Variants in SV2C observed in about 807,000 individuals in gnomAD.
SV2C encodes solute carrier family 22 member B3.
In SV2C, 49 loss-of-function variants were observed where a neutral mutation model predicts 79.7. That is an observed-to-expected ratio of 0.61 (90% CI 0.49 to 0.78). The LOEUF (loss-of-function observed/expected upper bound fraction) is 0.78. Among genes scored for constraint, SV2C ranks in the 30% least tolerant of loss-of-function variants. The pLI, the probability that SV2C is intolerant of heterozygous loss-of-function variation, is 0.00. For synonymous variants in SV2C, 334 were observed against 333.2 expected (o/e 1.00, Z -0.03); for missense variants, 833 against 912.9 (o/e 0.91, Z 1.13).
At chr5:76,170,787 G>T (rs957456697) in intron 2 of SV2C, 3 of 227,740 alleles carry the variant, frequency 1.3e-5, no homozygotes, top group Non-Finnish European at 2.5e-5. Context: ...GCTCGAAGGC[G>T]CCGCGGGCTG....
chr5:75,980,971 C>A, the SV2C span, among the ~76,000 whole-genome samples: 3 of 152,178 alleles, frequency 2.0e-5, no homozygotes, highest in Non-Finnish European at 4.4e-5. Flanking sequence ...GCCCCATACT[C>A]TCAGCCCAAA....
chr5:76,296,352 G>T (rs1349070415), intron 9 of SV2C, among the ~76,000 whole-genome samples: 1 of 150,498 alleles, frequency 6.6e-6, no homozygotes, highest in Admixed American at 6.6e-5. Flanking sequence ...CTGAGAAACA[G>T]AGCCACTTTT....
the SV2C span, among the ~76,000 whole-genome samples, chr5:75,961,895 G>C: frequency 5.3e-5 from 8 of 151,966 alleles, no homozygotes; most frequent in Non-Finnish European, 1.2e-4. Flanking sequence ...TGTAAGAAAG[G>C]GACACTCAGC....
chr5:76,258,189 G>A (rs773704704), intron 4 of SV2C, among the ~76,000 whole-genome samples: 4 of 151,628 alleles, frequency 2.6e-5, no homozygotes, highest in Non-Finnish European at 5.9e-5. Flanking sequence ...GTACTCTTTC[G>A]ACCACAAAGG....
At position 76,300,873 on chromosome 5, in the gene SV2C, T is replaced by G; in HGVS notation, c.1781T>G (p.Leu594Trp). ...FVNFLGTLAV[L>W]PGNIVSALLM... The stretch of plus-strand genomic sequence containing the variant: ...AACTTTCTGGGGACATTGGCAGTAT[T>G]GCCAGGGAACATTGTGTCTGCTCTG... The change falls in exon 11 of 13, where the codon TTG (leucine) becomes TGG (tryptophan). Residue 594 changes from leucine to tryptophan, a missense_variant. Leu to Trp is a moderately conservative substitution (Grantham distance 61). Coordinates refer to ENST00000502798, the MANE Select transcript of SV2C (RefSeq NM_014979.4). 6.2e-7 allele frequency: 1 copy of G among 1,614,200 alleles called. No individual in the cohort carries two copies. The highest frequency in any genetic ancestry group is 8.5e-7 in the Non-Finnish European group (1 of 1,180,008).
At chr5:76,029,174 T>A in the SV2C span, among the ~76,000 whole-genome samples, 1 of 152,236 alleles carries the variant, frequency 6.6e-6, no homozygotes, top group African/African-American at 2.4e-5. Context: ...ACATTGTAGA[T>A]TGACTAAATA....
chr5:75,971,741 C>T, the SV2C span, among the ~76,000 whole-genome samples: 1 of 152,086 alleles, frequency 6.6e-6, no homozygotes, highest in Admixed American at 6.6e-5. Flanking sequence ...GTGAAAATGG[C>T]CATACTGCCC....
At chr5:75,897,878 T>G in the SV2C span, among the ~76,000 whole-genome samples, 1,864 of 151,406 alleles carry the variant, frequency 0.012, 44 homozygotes, top group African/African-American at 0.043. Flanking sequence ...TTGTCTGTTA[T>G]TGGTGTATAA....
the SV2C span, among the ~76,000 whole-genome samples, chr5:75,857,492 T>G: frequency 0.02 from 3,082 of 152,320 alleles, 89 homozygotes; most frequent in African/African-American, 0.067. Context: ...GCAATTACCA[T>G]GTTGTTTTGG....
At chr5:75,891,578 C>A in the SV2C span, among the ~76,000 whole-genome samples, 104 of 152,170 alleles carry the variant, frequency 6.8e-4, 2 homozygotes, top group East Asian at 0.016. Flanking sequence ...CAATAACATA[C>A]TTTTGATCTC....
chr5:76,265,843 C>T (rs1464635198), intron 4 of SV2C, among the ~76,000 whole-genome samples: 1 of 152,134 alleles, frequency 6.6e-6, no homozygotes, highest in African/African-American at 2.4e-5. Context: ...ACAGTGTACC[C>T]CAGTTGGAAA....
chr5:76,206,413 G>A (rs988844310), intron 3 of SV2C, among the ~76,000 whole-genome samples: 1 of 152,312 alleles, frequency 6.6e-6, no homozygotes. Context: ...GGACCGTCAG[G>A]TCATTTGGTC....
chr5:76,040,922 C>A, the SV2C span, among the ~76,000 whole-genome samples: 2 of 152,132 alleles, frequency 1.3e-5, no homozygotes, highest in Non-Finnish European at 2.9e-5. Context: ...CATAGCCTAC[C>A]AAAACAGGCA....
At chr5:76,036,036 A>C in the SV2C span, among the ~76,000 whole-genome samples, 1 of 151,922 alleles carries the variant, frequency 6.6e-6, no homozygotes. Flanking sequence ...GTTGGTTTAA[A>C]GTCTGTTTTA....
intron 12 of SV2C, among the ~76,000 whole-genome samples, chr5:76,344,877 G>T (rs985525790): frequency 1.3e-5 from 2 of 151,986 alleles, no homozygotes; most frequent in Non-Finnish European, 2.9e-5. Context: ...TATCCTCATT[G>T]CATAGATGAG....
chr5:76,284,785 G>C (rs548994626), intron 4 of SV2C, among the ~76,000 whole-genome samples: 2 of 152,346 alleles, frequency 1.3e-5, no homozygotes, highest in African/African-American at 4.8e-5. Flanking sequence ...GCAGTCCACA[G>C]AGGGCCATTC....
At chr5:75,941,616 C>T in the SV2C span, among the ~76,000 whole-genome samples, 1 of 152,142 alleles carries the variant, frequency 6.6e-6, no homozygotes. Context: ...TATTATGATA[C>T]ATACATTGGT....
At chr5:75,921,353 C>G in the SV2C span, 1 of 1,023,014 alleles carries the variant, frequency 9.8e-7, no homozygotes, top group Non-Finnish European at 1.6e-6. Context: ...CTGCCTGCTG[C>G]TGTCCTTTGG....
chr5:76,020,748 A>G, the SV2C span, among the ~76,000 whole-genome samples: 15 of 152,144 alleles, frequency 9.9e-5, no homozygotes. Context: ...CTTTTTTTCC[A>G]GTGGAATGTA....
Sources: allele counts gnomAD v4.1 joint callset (sites outside exome capture counted in the v4.1 genomes callset), GRCh38; gene constraint gnomAD v4.1.1; transcripts MANE v1.5; gene names NCBI Gene and HGNC (gene_info 2026-07-23, HGNC 2026-07-21).